The following IQCH variants were observed in gnomAD, a reference collection of about 807,000 sequenced individuals.
IQCH encodes IQ domain-containing protein H.
In IQCH, 98 loss-of-function variants were observed where a neutral mutation model predicts 117.0. The observed-to-expected ratio is 0.84, with a 90% CI of 0.71 to 0.99. The LOEUF (loss-of-function observed/expected upper bound fraction) is 0.99, where lower values mean the gene tolerates loss of function less well. Ranked by LOEUF, IQCH falls within the 50% of genes least tolerant of loss-of-function variation. The pLI, the probability that IQCH is intolerant of heterozygous loss-of-function variation, is 0.00. For missense variants in IQCH, 1,102 were observed against 1,243.8 expected (o/e 0.89, Z 1.72); for synonymous variants, 412 against 448.2 (o/e 0.92, Z 1.02).
rs2083800823 is a variant in IQCH, at chr15:67,496,128, G to A, written c.2970+1762G>A. Among the ~76,000 whole-genome samples the A allele has an allele frequency of 6.6e-6, 1 of 152,078 alleles. No individual in the cohort carries two copies. Among genetic ancestry groups the A allele is most frequent in the African/African-American group, 2.4e-5 (1 of 41,406 alleles). On this transcript the variant is annotated intron_variant, in intron 20 of 20. Coordinates refer to ENST00000335894, the MANE Select transcript of IQCH (RefSeq NM_001031715.3). The surrounding 1 kb of genome is among the most constrained non-coding windows in gnomAD (Gnocchi z 4.4). Reference sequence around the variant, plus strand: ...TCCCAGGAGTTCAAGACCAGCCTGGGCAACATGGTGAAACCCCATCTCTAC... The same window carrying A: ...TCCCAGGAGTTCAAGACCAGCCTGGACAACATGGTGAAACCCCATCTCTAC...
intron 4 of IQCH, among the ~76,000 whole-genome samples, chr15:67,283,962 G>A (rs983671336): frequency 2.6e-5 from 4 of 152,066 alleles, no homozygotes; most frequent in African/African-American, 9.7e-5. Context: ...AGCTATTCTG[G>A]TATAGGCATG....
chr15:67,355,606 T>C (rs575728789), intron 6 of IQCH, among the ~76,000 whole-genome samples: 63 of 151,832 alleles, frequency 4.1e-4, no homozygotes, highest in African/African-American at 1.5e-3. Context: ...AAAAAAAAAT[T>C]AGTAATAACT....
At chr15:67,309,871 C>T (rs548937832) in intron 4 of IQCH, among the ~76,000 whole-genome samples, 1 of 149,974 alleles carries the variant, frequency 6.7e-6, no homozygotes, top group South Asian at 2.1e-4. Flanking sequence ...ATTTCAGATC[C>T]GGTGTTCCCT....
At position 67,308,071 on chromosome 15, in the gene IQCH, C is replaced by T. The variant is rs144137053; in HGVS notation, c.387+28559C>T. ...TGGGCTGCTGGTTTACAGCTGTCTC[C>T]GGACAAGAATGGAGGCCCACCCTTG... On this transcript the variant is annotated intron_variant, in intron 4 of 20. Coordinates refer to ENST00000335894, the MANE Select transcript of IQCH (RefSeq NM_001031715.3). 7.6e-4 allele frequency among the ~76,000 whole-genome samples: 115 copies of T among 152,232 alleles called. 1 individual carries two copies. Among genetic ancestry groups the T allele is most frequent in the Middle Eastern group, 3.4e-3 (1 of 294 alleles).
intron 4 of IQCH, among the ~76,000 whole-genome samples, chr15:67,323,063 A>G (rs189647406): frequency 6.6e-6 from 1 of 152,106 alleles, no homozygotes; most frequent in East Asian, 1.9e-4. Context: ...TTTACCTGAG[A>G]CTTGTAGCTA....
intron 15 of IQCH, 188 bp from the exon 16 acceptor site, chr15:67,421,103 A>C: frequency 1.7e-6 from 1 of 600,488 alleles, no homozygotes; most frequent in Non-Finnish European, 2.9e-6. Flanking sequence ...TAGATACAGT[A>C]TCTCCAAGAT....
intron 20 of IQCH, among the ~76,000 whole-genome samples, chr15:67,495,962 G>C (rs753827317): frequency 6.6e-6 from 1 of 152,184 alleles, no homozygotes; most frequent in Non-Finnish European, 1.5e-5. Flanking sequence ...GTGGCATTGT[G>C]GTAGGTATTT....
chr15:67,267,834 G>T (rs1383518482), intron 3 of IQCH, among the ~76,000 whole-genome samples: 2 of 152,074 alleles, frequency 1.3e-5, no homozygotes, highest in Non-Finnish European at 2.9e-5. Context: ...TACTATCCCT[G>T]GTCACACCTT....
At position 67,421,429 on chromosome 15, in the gene IQCH, G is replaced by A. The variant is rs2081739227; in HGVS notation, c.2357G>A (p.Gly786Asp). 1.2e-6 allele frequency: 2 copies of A among 1,613,984 alleles called. No homozygotes were observed. Among genetic ancestry groups the A allele is most frequent in the African/African-American group, 2.7e-5 (2 of 74,888 alleles). Residue 786 changes from glycine (G) to aspartate (D), a missense_variant, in exon 16 of 21, where the codon GGT becomes GAT. Transcript: ENST00000335894. ...GCTGAAAGCCCCTTCATCTCCTCTGGTACCACCGTGCCTCAGACCTCAGTG... is the reference window on the plus strand; with the variant it reads ...GCTGAAAGCCCCTTCATCTCCTCTGATACCACCGTGCCTCAGACCTCAGTG... ...LHAESPFISS[G>D]TTVPQTSVDP... is the part of the protein sequence containing the mutation.
intron 4 of IQCH, chr15:67,307,152 G>A (rs1967339696): frequency 1.9e-6 from 2 of 1,040,936 alleles, no homozygotes; most frequent in Non-Finnish European, 2.3e-6. Flanking sequence ...TTGGCAAGAT[G>A]TGAGTTGCTG....
At chr15:67,492,410 G>A (rs2083682363) in intron 19 of IQCH, among the ~76,000 whole-genome samples, 1 of 152,174 alleles carries the variant, frequency 6.6e-6, no homozygotes, top group Non-Finnish European at 1.5e-5. Flanking sequence ...TGGGAGAGGT[G>A]AGCTCCCTTC....
chr15:67,277,156 T>G (rs915696708), intron 3 of IQCH, among the ~76,000 whole-genome samples: 1 of 152,274 alleles, frequency 6.6e-6, no homozygotes, highest in East Asian at 1.9e-4. Flanking sequence ...CATTTTCTCT[T>G]GATTCTTTCT....
intron 4 of IQCH, among the ~76,000 whole-genome samples, chr15:67,283,261 G>C (rs1353407021): frequency 6.6e-6 from 1 of 152,192 alleles, no homozygotes; most frequent in Non-Finnish European, 1.5e-5. Flanking sequence ...AGTGTTAACA[G>C]CGGGTTGTAT....
intron 16 of IQCH, among the ~76,000 whole-genome samples, chr15:67,434,987 GT>G (rs67509951): frequency 0.71 from 102,276 of 144,992 alleles, 36,230 homozygotes; most frequent in Middle Eastern, 0.82. Flanking sequence ...TTGTATCTTT[GT>G]TTTTTTTTTA....
intron 4 of IQCH, among the ~76,000 whole-genome samples, chr15:67,328,381 G>T (rs543054726): frequency 6.6e-6 from 1 of 152,142 alleles, no homozygotes; most frequent in South Asian, 2.1e-4. Context: ...TTCTTCTTCA[G>T]TTGAGATAAT....
rs376699527 is a variant in IQCH at position 67,479,062 on chromosome 15, C to G, written c.2799+3244C>G. Among the ~76,000 whole-genome samples, 4 of 152,320 alleles carry G rather than the reference C, an allele frequency of 2.6e-5. No individual in the cohort carries two copies. In the East Asian group the frequency reaches 7.7e-4, roughly 29 times the overall value. On this transcript the variant is annotated intron_variant, in intron 18 of 20. Transcript: ENST00000335894. This position sits in a 1 kb window ranked among gnomAD's most constrained non-coding sequence, Gnocchi z 4.6. The stretch of plus-strand genomic sequence containing the variant: ...TTCCTGAGATGAGTTTTCATCTTTT[C>G]AGACCCTGGTGTCCATCCCTGGTCA...
intron 4 of IQCH, among the ~76,000 whole-genome samples, chr15:67,301,775 T>C (rs183140456): frequency 6.6e-6 from 1 of 152,256 alleles, no homozygotes; most frequent in Admixed American, 6.5e-5. Context: ...AATTAAATCA[T>C]GTGTGCTACA....
intron 7 of IQCH, among the ~76,000 whole-genome samples, chr15:67,358,031 G>C (rs1460218504): frequency 2.0e-5 from 3 of 150,968 alleles, no homozygotes; most frequent in Non-Finnish European, 4.4e-5. Context: ...GCTAATTTTT[G>C]TATTTTTAGT....
intron 17 of IQCH, among the ~76,000 whole-genome samples, chr15:67,471,204 C>G (rs1006998942): frequency 6.6e-6 from 1 of 152,014 alleles, no homozygotes; most frequent in African/African-American, 2.4e-5. Flanking sequence ...TAAGGTATAT[C>G]TTAGAATACA....
Sources: gnomAD v4.1 joint callset for allele counts (sites outside exome capture counted in the v4.1 genomes callset) on GRCh38, gnomAD v4.1.1 for gene constraint, Gnocchi (gnomAD v3.1) non-coding constraint, MANE v1.5 for transcripts, NCBI Gene and HGNC (gene_info 2026-07-23, HGNC 2026-07-21) for gene names.